Variants in ATP2B4 observed in about 807,000 individuals in gnomAD.
ATP2B4 encodes plasma membrane calcium-transporting ATPase 4.
A neutral mutation model predicts 110.3 loss-of-function variants in ATP2B4; 39 were observed. That is an observed-to-expected ratio of 0.35 (90% CI 0.27 to 0.46). The LOEUF is 0.46. Among genes scored for constraint, ATP2B4 ranks in the 20% least tolerant of loss-of-function variants. The pLI is 1.00. For synonymous variants in ATP2B4, 538 were observed against 571.7 expected, an observed-to-expected ratio of 0.94 and a Z score of 0.84; for missense variants, 1,135 against 1,530.9, an observed-to-expected ratio of 0.74 and a Z score of 4.32.
At chr1:203,631,627 C>T (rs983076677) in intron 1 of ATP2B4, among the ~76,000 whole-genome samples, 2 of 152,142 alleles carry the variant, frequency 1.3e-5, no homozygotes, top group South Asian at 2.1e-4. Flanking sequence ...CCGTGCTGGG[C>T]GCTGGGAGTC....
In ATP2B4 at chr1:203,739,874, C is replaced by T. The variant is rs373355158; in HGVS notation, c.*20C>T. ...GTTTGAATTTTCTTTCTCTGACTCT[C>T]ATCCCTATTTTACCTATTTCCATTT... On this transcript the variant is annotated 3_prime_UTR_variant, in exon 21 of 21. Coordinates refer to ENST00000357681, the MANE Select transcript of ATP2B4 (RefSeq NM_001684.5). 39 of 1,595,436 alleles carry T rather than the reference C, an allele frequency of 2.4e-5. No individual in the cohort carries two copies. Among genetic ancestry groups the T allele is most frequent in the Admixed American group, 3.4e-5 (2 of 58,196 alleles).
At position 203,702,026 on chromosome 1, in the gene ATP2B4, TC is replaced by T. The variant is rs1469924625; in HGVS notation, c.902-17del. The stretch of plus-strand genomic sequence containing the variant: ...ACTTTGGGTTTCGACCCCACTTTTT[TC>T]TTTCTTGTTCAAACAGGTAAAAAAC... On this transcript the variant is annotated splice_polypyrimidine_tract_variant and intron_variant, in intron 6 of 20. Coordinates refer to ENST00000357681, the MANE Select transcript of ATP2B4 (RefSeq NM_001684.5). 1.9e-6 allele frequency: 3 copies of T among 1,614,040 alleles called. No homozygotes were observed. In the East Asian group the frequency reaches 6.7e-5, roughly 36 times the overall value.
chr1:203,669,373 G>A (rs1307656608), intron 1 of ATP2B4, among the ~76,000 whole-genome samples: 1 of 152,146 alleles, frequency 6.6e-6, no homozygotes, highest in Non-Finnish European at 1.5e-5. Context: ...AGTGGTGCCT[G>A]GGTCTTACTG....
chr1:203,671,326 CTTTAT>C (rs1352962696), intron 1 of ATP2B4, among the ~76,000 whole-genome samples: 1 of 151,940 alleles, frequency 6.6e-6, no homozygotes, highest in African/African-American at 2.4e-5. Context: ...CATTTTTTTT[CTTTAT>C]TTTGTTTAGA....
intron 2 of ATP2B4, among the ~76,000 whole-genome samples, chr1:203,686,685 C>CTTTCT (rs1665193795): frequency 7.0e-5 from 3 of 42,778 alleles, no homozygotes; most frequent in Non-Finnish European, 1.1e-4. Flanking sequence ...TCTTTTCTTT[C>CTTTCT]TTTTTTTTTT....
intron 1 of ATP2B4, among the ~76,000 whole-genome samples, chr1:203,673,621 G>C (rs1349278142): frequency 6.6e-6 from 1 of 152,250 alleles, no homozygotes; most frequent in Non-Finnish European, 1.5e-5. Flanking sequence ...AGGTGAGACT[G>C]TCAGAGTGGA....
rs1335798410 is a variant in ATP2B4, at chr1:203,720,536, C to G, written c.2407-13C>G. ...TCCACTCCCTCACTGTTTTCCCTCC[C>G]ATCTTACCTCAGGGCATCGCAGGCA... On this transcript the variant is annotated splice_polypyrimidine_tract_variant and intron_variant, in intron 15 of 20. Transcript: ENST00000357681. The G allele has an allele frequency of 6.3e-7, 1 of 1,589,654 alleles. No individual in the cohort carries two copies. The highest frequency in any genetic ancestry group is 1.3e-5 in the African/African-American group (1 of 74,650).
chr1:203,725,909 T>C (rs545611992), intron 19 of ATP2B4, among the ~76,000 whole-genome samples: 5,257 of 137,596 alleles, frequency 0.038, 117 homozygotes, highest in Non-Finnish European at 0.062. Context: ...CTTTTCTTTT[T>C]TTTTTTTTTT....
intron 1 of ATP2B4, among the ~76,000 whole-genome samples, chr1:203,675,202 A>T (rs1394720406): frequency 2.6e-5 from 4 of 152,118 alleles, no homozygotes; most frequent in African/African-American, 9.7e-5. Flanking sequence ...AGACCAGGTG[A>T]TCAGGATCAG....
intron 20 of ATP2B4, among the ~76,000 whole-genome samples, chr1:203,731,762 A>T (rs1666720870): frequency 6.9e-6 from 1 of 145,768 alleles, no homozygotes; most frequent in Non-Finnish European, 1.5e-5. Flanking sequence ...AGGCAGGAGA[A>T]TGGCTTGAAC....
intron 19 of ATP2B4, among the ~76,000 whole-genome samples, chr1:203,726,961 T>C (rs541528841): frequency 6.6e-6 from 1 of 152,328 alleles, no homozygotes; most frequent in Admixed American, 6.5e-5. Flanking sequence ...ACCCCTTGCC[T>C]ATACATAGGC....
At chr1:203,653,643 C>T (rs1412184873) in intron 1 of ATP2B4, among the ~76,000 whole-genome samples, 2 of 152,032 alleles carry the variant, frequency 1.3e-5, no homozygotes, top group Non-Finnish European at 2.9e-5. Context: ...GAATTTTCCA[C>T]CCCTCAAGGT....
intron 8 of ATP2B4, 94 bp downstream of exon 8, chr1:203,703,907 G>A (rs1665769245): frequency 1.4e-6 from 2 of 1,439,602 alleles, no homozygotes; most frequent in Non-Finnish European, 9.3e-7. Flanking sequence ...GAGACTGGCA[G>A]AAAGAAGCTG....
In ATP2B4 at chr1:203,683,064, A is replaced by T; in HGVS notation, c.-142A>T. The T allele has an allele frequency of 1.1e-6, 1 of 895,922 alleles. No individual in the cohort carries two copies. Among genetic ancestry groups the T allele is most frequent in the South Asian group, 1.7e-5 (1 of 57,912 alleles). The allele number at this position is 895,922 out of a possible 1,614,324, so 55.5% of individuals were successfully genotyped here. On this transcript the variant is annotated 5_prime_UTR_variant, in exon 2 of 21. Transcript: ENST00000357681. ...GCTACTCGGGAGCTTATTGCACAAGATATATTCAATCTATTCCCTCACTGG... is the reference window on the plus strand; with the variant it reads ...GCTACTCGGGAGCTTATTGCACAAGTTATATTCAATCTATTCCCTCACTGG...
Position 203,702,083 on chromosome 1 carries a change from A to T in ATP2B4, c.937+4A>T. On this transcript the variant is annotated splice_donor_region_variant and intron_variant, in intron 7 of 20. Transcript: ENST00000357681. ...GTCCCTGAAAATCGCAACAAAGGTA[A>T]CCTCTCCAACTACTCATTTACCATC... The T allele has an allele frequency of 6.2e-7, 1 of 1,613,592 alleles. No individual in the cohort carries two copies. The highest frequency in any genetic ancestry group is 8.5e-7 in the Non-Finnish European group (1 of 1,179,820).
chr1:203,720,311 G>A (rs1157015544), intron 15 of ATP2B4, among the ~76,000 whole-genome samples: 5 of 152,200 alleles, frequency 3.3e-5, no homozygotes, highest in African/African-American at 1.2e-4. Flanking sequence ...AGGGGAGGGT[G>A]AAAGGGATAT....
At chr1:203,674,637 CTTTTTTTTTTTTTT>C (rs57153257) in intron 1 of ATP2B4, among the ~76,000 whole-genome samples, 35 of 46,262 alleles carry the variant, frequency 7.6e-4, no homozygotes, top group Non-Finnish European at 9.7e-4. Flanking sequence ...CCACACCTGG[CTTTTTTTTTTTTTT>C]TTTTTTTTTT....
intron 1 of ATP2B4, among the ~76,000 whole-genome samples, chr1:203,665,108 C>T (rs1167413833): frequency 1.3e-5 from 2 of 152,144 alleles, no homozygotes; most frequent in African/African-American, 4.8e-5. Flanking sequence ...CGTGAGCCAC[C>T]GCACCCGGCC....
chr1:203,678,083 C>G (rs1053243222), intron 1 of ATP2B4, among the ~76,000 whole-genome samples: 22 of 152,204 alleles, frequency 1.4e-4, no homozygotes, highest in Non-Finnish European at 3.2e-4. Context: ...GCCTGAAGCC[C>G]TAGCCCCGGG....
Sources: allele counts gnomAD v4.1 joint callset (sites outside exome capture counted in the v4.1 genomes callset), GRCh38; gene constraint gnomAD v4.1.1; transcripts MANE v1.5; gene names NCBI Gene and HGNC (gene_info 2026-07-23, HGNC 2026-07-21).